UBR3: variants seen among roughly 807,000 people sequenced by gnomAD.
The protein encoded by UBR3 is ubiquitin protein ligase E3 component n-recognin 3.
Under a neutral mutation model 243.2 loss-of-function variants are expected in UBR3, and 85 were observed. The ratio of observed to expected loss-of-function variants is 0.35; its 90% CI spans 0.29 to 0.42. The LOEUF is 0.42. UBR3 is among the 10% of genes least tolerant of loss of function. UBR3 has a pLI of 1.00. For missense variants in UBR3, 1,686 were observed against 2,300.8 expected (o/e 0.73, Z 5.47); for synonymous variants, 748 against 799.8 (o/e 0.94, Z 1.09).
intron 31 of UBR3, among the ~76,000 whole-genome samples, chr2:170,032,814 T>C (rs1475707490): frequency 6.6e-6 from 1 of 152,004 alleles, no homozygotes; most frequent in East Asian, 1.9e-4. Context: ...CAAGGCAGTA[T>C]GTGCCAAGTT....
chr2:169,906,312 T>A (rs2085006996), intron 10 of UBR3, 148 bp downstream of exon 10: 1 of 1,000,684 alleles, frequency 1.0e-6, no homozygotes. Flanking sequence ...ACAGTAATTT[T>A]CATTCTTAGG....
At chr2:170,052,717 G>A (rs1166498331) in intron 32 of UBR3, among the ~76,000 whole-genome samples, 2 of 152,170 alleles carry the variant, frequency 1.3e-5, no homozygotes, top group Non-Finnish European at 2.9e-5. Context: ...TGGTCAACGG[G>A]TGTGTACTTT....
intron 1 of UBR3, among the ~76,000 whole-genome samples, chr2:169,862,144 A>G (rs1252931010): frequency 3.3e-5 from 5 of 151,648 alleles, no homozygotes; most frequent in Admixed American, 6.6e-5. Context: ...CAACATCTCT[A>G]TTTTTACTTT....
chr2:169,855,572 T>C (rs11899242), intron 1 of UBR3, among the ~76,000 whole-genome samples: 63,699 of 151,292 alleles, frequency 0.42, 14,936 homozygotes, highest in Non-Finnish European at 0.54. Context: ...ATGCTGCCTT[T>C]AAGCATCTGT....
intron 23 of UBR3, among the ~76,000 whole-genome samples, chr2:169,951,471 T>G (rs1375661161): frequency 6.6e-6 from 1 of 152,138 alleles, no homozygotes; most frequent in Non-Finnish European, 1.5e-5. Flanking sequence ...GAATTGATAC[T>G]ATAATGGAGA....
At chr2:169,836,054 TATA>T (rs2082092204) in intron 1 of UBR3, among the ~76,000 whole-genome samples, 1 of 49,618 alleles carries the variant, frequency 2.0e-5, no homozygotes, top group African/African-American at 5.8e-5. Flanking sequence ...TATATATATA[TATA>T]TATATATATA....
At chr2:170,075,344 A>C (rs752952748) in intron 36 of UBR3, among the ~76,000 whole-genome samples, 1 of 152,168 alleles carries the variant, frequency 6.6e-6, no homozygotes, top group African/African-American at 2.4e-5. Context: ...ATGCAGGATG[A>C]CATGGAGTAA....
At chr2:169,879,613 A>G (rs1202823625) in intron 5 of UBR3, among the ~76,000 whole-genome samples, 1 of 152,200 alleles carries the variant, frequency 6.6e-6, no homozygotes, top group Non-Finnish European at 1.5e-5. Context: ...CTTCATGTCT[A>G]CATTTCCTTA....
chr2:170,082,107 C>G lies in UBR3; in HGVS notation c.*264C>G. The G allele has an allele frequency of 3.6e-6, 1 of 278,090 alleles. No homozygotes were observed. Among genetic ancestry groups the G allele is most frequent in the Non-Finnish European group, 6.6e-6 (1 of 150,716 alleles). 17.2% of individuals were successfully genotyped at this position (278,090 alleles called of 1,614,324 possible). A position where few individuals can be genotyped will look rare whatever the true frequency, so the allele number is the denominator to read the frequency against. On this transcript the variant is annotated 3_prime_UTR_variant, in exon 39 of 39. Coordinates refer to ENST00000272793, the MANE Select transcript of UBR3 (RefSeq NM_172070.4). ...AGTGCACAATTAATAAGAAGCACAA[C>G]TTGTTCACAAACTCATTCAGAAATG...
At chr2:169,995,294 A>G (rs1369194468) in intron 26 of UBR3, among the ~76,000 whole-genome samples, 1 of 152,184 alleles carries the variant, frequency 6.6e-6, no homozygotes, top group Non-Finnish European at 1.5e-5. Context: ...AATTTAACCC[A>G]TCACCACTAC....
intron 23 of UBR3, among the ~76,000 whole-genome samples, chr2:169,954,994 A>G (rs189471192): frequency 3.3e-4 from 50 of 152,302 alleles, no homozygotes; most frequent in African/African-American, 1.1e-3. Flanking sequence ...ACTTTTAAAG[A>G]TTATGAAGCA....
intron 1 of UBR3, among the ~76,000 whole-genome samples, chr2:169,833,218 C>A (rs1164438321): frequency 6.6e-6 from 1 of 152,156 alleles, no homozygotes; most frequent in Non-Finnish European, 1.5e-5. Flanking sequence ...TAGTGTTGTT[C>A]AAGGGTCAAC....
chr2:169,927,339 T>G lies in UBR3; in HGVS notation c.2358T>G (p.Ile786Met). 1 of 1,550,936 alleles carries G rather than the reference T, an allele frequency of 6.4e-7. No individual in the cohort carries two copies. Among genetic ancestry groups the G allele is most frequent in the South Asian group, 1.2e-5 (1 of 83,768 alleles). The stretch of plus-strand genomic sequence containing the variant: ...TTTTAGGAATGTCTGATGATGAGAT[T>G]CTCAGGGCCGAGATGGTAGCCCAGC... ...RLHLGMSDDE[I>M]LRAEMVAQLC... is the part of the protein sequence containing the mutation. The change falls in exon 17 of 39, where the codon ATT becomes ATG. Residue 786 changes from isoleucine (I) to methionine (M), a missense_variant. Around this residue, in one of 8 missense-constraint regions of UBR3, gnomAD observed 346 missense variants for 585.8 expected, o/e 0.59. Coordinates refer to ENST00000272793, the MANE Select transcript of UBR3 (RefSeq NM_172070.4).
At chr2:169,912,048 G>A (rs10191505) in intron 10 of UBR3, among the ~76,000 whole-genome samples, 221 of 152,260 alleles carry the variant, frequency 1.5e-3, no homozygotes, top group African/African-American at 5.1e-3. Flanking sequence ...AGGACATGGA[G>A]ATGAGTAAGG....
chr2:169,923,788 T>C, intron 11 of UBR3, 141 bp from the exon 12 acceptor site: 1 of 752,272 alleles, frequency 1.3e-6, no homozygotes, highest in East Asian at 2.8e-5. Flanking sequence ...GATTTTGGAA[T>C]CTGCATCTTC....
At chr2:169,944,112 A>T (rs923646794) in intron 20 of UBR3, among the ~76,000 whole-genome samples, 1 of 152,164 alleles carries the variant, frequency 6.6e-6, no homozygotes, top group Non-Finnish European at 1.5e-5. Flanking sequence ...TACTGAAAAG[A>T]TATTTGTATT....
At chr2:170,016,580 G>T (rs1057027630) in intron 30 of UBR3, among the ~76,000 whole-genome samples, 1 of 151,728 alleles carries the variant, frequency 6.6e-6, no homozygotes, top group Non-Finnish European at 1.5e-5. Flanking sequence ...TTGTTAATTT[G>T]TTATTAATTG....
chr2:169,966,096 T>C (rs1029812085), intron 24 of UBR3, among the ~76,000 whole-genome samples: 24 of 152,332 alleles, frequency 1.6e-4, no homozygotes, highest in Admixed American at 7.8e-4. Flanking sequence ...TCTCTAGTTA[T>C]CAAGTTTCCT....
intron 8 of UBR3, among the ~76,000 whole-genome samples, chr2:169,899,053 A>G (rs950518224): frequency 6.8e-6 from 1 of 146,354 alleles, no homozygotes; most frequent in East Asian, 2.0e-4. Context: ...ATCTCAGCTC[A>G]CTGCAACCTC....
Sources: allele counts gnomAD v4.1 joint callset (sites outside exome capture counted in the v4.1 genomes callset), GRCh38; gene constraint gnomAD v4.1.1; regional missense constraint gnomAD v4.1.1; transcripts MANE v1.5; gene names NCBI Gene and HGNC (gene_info 2026-07-23, HGNC 2026-07-21).